NAV2: variants seen among roughly 807,000 people sequenced by gnomAD.
NAV2 encodes the protein helicase, APC down-regulated 1.
Under a neutral mutation model 223.2 loss-of-function variants are expected in NAV2, and 54 were observed. That is an observed-to-expected ratio of 0.24 (90% CI 0.19 to 0.30). The LOEUF is 0.30. Among genes scored for constraint, NAV2 ranks in the 10% least tolerant of loss-of-function variants. The pLI, the probability that NAV2 is intolerant of heterozygous loss-of-function variation, is 1.00. For missense variants in NAV2, 2,806 were observed against 3,147.5 expected (o/e 0.89, Z 2.60); for synonymous variants, 1,279 against 1,239.3 (o/e 1.03, Z -0.67).
At chr11:19,585,529 T>C (rs2045866922) in intron 1 of NAV2, among the ~76,000 whole-genome samples, 1 of 152,210 alleles carries the variant, frequency 6.6e-6, no homozygotes, top group Non-Finnish European at 1.5e-5. Context: ...GTTGTTCCTT[T>C]CCATGTTTAG....
Position 19,897,884 on chromosome 11 carries a change from ATT to A in NAV2, c.931+5292_931+5293del, listed in dbSNP as rs1301322186. Among the ~76,000 whole-genome samples the A allele has an allele frequency of 4.8e-4, 63 of 132,282 alleles. 6 individuals carry two copies. Among genetic ancestry groups the A allele is most frequent in the African/African-American group, 1.7e-3 (57 of 33,402 alleles). 86.8% of individuals were successfully genotyped at this position (132,282 alleles called of 152,430 possible). On this transcript the variant is annotated intron_variant, in intron 6 of 37. Coordinates refer to ENST00000349880, the MANE Select transcript of NAV2 (RefSeq NM_145117.5). ...GAGCCACAGCTGTGCCTGACCTGTG[ATT>A]TATATATATATATATATATGTGAGC... is the stretch of plus-strand genomic sequence containing the variant.
chr11:19,419,228 T>G, intron 1 of NAV2, among the ~76,000 whole-genome samples: 1 of 152,250 alleles, frequency 6.6e-6, no homozygotes, highest in East Asian at 1.9e-4. Context: ...GTTGAAATGC[T>G]GTTTCACAAT....
intron 1 of NAV2, among the ~76,000 whole-genome samples, chr11:19,387,847 G>T (rs1316544602): frequency 6.6e-6 from 1 of 152,140 alleles, no homozygotes; most frequent in African/African-American, 2.4e-5. Context: ...GCATAATGGA[G>T]AGGAAAAACT....
rs139906719 is a variant in NAV2 at position 19,948,740 on chromosome 11, C to T, written c.2305C>T (p.Arg769Cys). The T allele has an allele frequency of 8.7e-6, 14 of 1,605,270 alleles. No homozygotes were observed. Among genetic ancestry groups the T allele is most frequent in the Admixed American group, 8.4e-5 (5 of 59,572 alleles). Residue 769 changes from arginine to cysteine, a missense_variant, in exon 10 of 38, where the codon CGT (arginine) becomes TGT (cysteine). Transcript: ENST00000349880. ...CAATGTCACCACGGAGATGAGTGGC[C>T]GTAGCATACTCAGCTTGACAGGGAG... Reference protein sequence around the residue: ...DTNVTTEMSGRSILSLTGRPT... With the variant: ...DTNVTTEMSGCSILSLTGRPT...
intron 1 of NAV2, among the ~76,000 whole-genome samples, chr11:19,380,926 T>A (rs1359427274): frequency 6.6e-6 from 1 of 152,182 alleles, no homozygotes; most frequent in Admixed American, 6.5e-5. Context: ...ACCCTATGAC[T>A]ATGACCTAGG....
intron 11 of NAV2, among the ~76,000 whole-genome samples, chr11:20,011,235 A>C (rs1293738660): frequency 6.6e-6 from 1 of 152,222 alleles, no homozygotes; most frequent in Non-Finnish European, 1.5e-5. Context: ...ATTGGGATTT[A>C]AAAATATTAA....
At chr11:19,934,891 A>G (rs2045709629) in intron 7 of NAV2, among the ~76,000 whole-genome samples, 1 of 151,952 alleles carries the variant, frequency 6.6e-6, no homozygotes, top group Non-Finnish European at 1.5e-5. Flanking sequence ...AGATGGATGG[A>G]TCCTTCTGTC....
At chr11:19,361,840 G>A (rs1853969160) in intron 1 of NAV2, among the ~76,000 whole-genome samples, 1 of 152,074 alleles carries the variant, frequency 6.6e-6, no homozygotes. Context: ...CTTCCCATTT[G>A]GATTCCTATA....
At chr11:19,747,458 C>G (rs545684269) in intron 1 of NAV2, among the ~76,000 whole-genome samples, 4 of 152,246 alleles carry the variant, frequency 2.6e-5, no homozygotes, top group African/African-American at 9.6e-5. Flanking sequence ...TTTGAAGTCA[C>G]ACAGCAGATA....
chr11:19,646,115 C>G lies in NAV2; in HGVS notation c.76-186369C>G, dbSNP rs939706080. On this transcript the variant is annotated intron_variant, in intron 1 of 37. Transcript: ENST00000360655. ...AACCTGCACCCACCTTGCAGATTAT[C>G]CCCTGGCTTTGCAAATGGGGTTGAA... Among the ~76,000 whole-genome samples the G allele has an allele frequency of 5.3e-5, 8 of 152,218 alleles. No individual in the cohort carries two copies. The South Asian group carries it at 1.0e-3, about 20-fold the overall frequency.
At chr11:19,838,298 C>A (rs1314670691) in intron 2 of NAV2, among the ~76,000 whole-genome samples, 1 of 152,062 alleles carries the variant, frequency 6.6e-6, no homozygotes, top group Non-Finnish European at 1.5e-5. Flanking sequence ...GGTGCTCAGA[C>A]CCGACCTATG....
intron 1 of NAV2, among the ~76,000 whole-genome samples, chr11:19,415,146 T>C (rs1850311860): frequency 6.6e-6 from 1 of 151,988 alleles, no homozygotes; most frequent in Non-Finnish European, 1.5e-5. Context: ...AAAAAATCAA[T>C]GAATCCAGAA....
At chr11:19,837,896 A>G (rs2060315416) in intron 2 of NAV2, among the ~76,000 whole-genome samples, 1 of 152,226 alleles carries the variant, frequency 6.6e-6, no homozygotes, top group Non-Finnish European at 1.5e-5. Context: ...TTAAATTGCC[A>G]GAATTTATAG....
chr11:19,378,157 A>T (rs575282351), intron 1 of NAV2, among the ~76,000 whole-genome samples: 1 of 152,244 alleles, frequency 6.6e-6, no homozygotes, highest in East Asian at 1.9e-4. Context: ...CCGCAAACAC[A>T]TTTCTCCCAT....
chr11:20,054,118 C>G lies in NAV2; in HGVS notation c.4520C>G (p.Ala1507Gly). Residue 1507 changes from alanine to glycine, a missense_variant, in exon 18 of 38, where the codon GCA (alanine) becomes GGA (glycine). Coordinates refer to ENST00000349880, the MANE Select transcript of NAV2 (RefSeq NM_145117.5). ...TCCCAGCTTCGCACGCAAGAAGATGCAAAAGAATGGTTACGGTCCCATTCT... is the reference window on the plus strand; with the variant it reads ...TCCCAGCTTCGCACGCAAGAAGATGGAAAAGAATGGTTACGGTCCCATTCT... The part of the protein sequence containing the change: ...PTSQLRTQED[A>G]KEWLRSHSAG... 6.2e-7 allele frequency: 1 copy of G among 1,612,722 alleles called. No homozygotes were observed. Among genetic ancestry groups the G allele is most frequent in the Non-Finnish European group, 8.5e-7 (1 of 1,179,772 alleles).
intron 6 of NAV2, among the ~76,000 whole-genome samples, chr11:19,902,860 T>C (rs2042564004): frequency 1.3e-5 from 2 of 152,170 alleles, no homozygotes; most frequent in African/African-American, 4.8e-5. Flanking sequence ...AGAAGATACA[T>C]ATATTTTGGG....
At chr11:19,778,002 G>T (rs2056420093) in intron 1 of NAV2, 1 of 455,154 alleles carries the variant, frequency 2.2e-6, no homozygotes, top group East Asian at 7.0e-5. Flanking sequence ...TATGCACCGG[G>T]TCCTCCTCCC....
chr11:19,667,438 A>G (rs975288033), intron 1 of NAV2, among the ~76,000 whole-genome samples: 6 of 152,218 alleles, frequency 3.9e-5, no homozygotes, highest in Admixed American at 3.9e-4. Flanking sequence ...CAGATGGCCA[A>G]TACCTGTGGG....
chr11:19,921,804 T>G (rs79140716), intron 6 of NAV2, among the ~76,000 whole-genome samples: 2,903 of 152,340 alleles, frequency 0.019, 86 homozygotes, highest in African/African-American at 0.065. Flanking sequence ...CTCATTGGAT[T>G]TATAGCACGA....
Sources: gnomAD v4.1 joint callset for allele counts (sites outside exome capture counted in the v4.1 genomes callset) on GRCh38, gnomAD v4.1.1 for gene constraint, MANE v1.5 for transcripts, NCBI Gene and HGNC (gene_info 2026-07-23, HGNC 2026-07-21) for gene names.